NRCAM: variants seen among roughly 807,000 people sequenced by gnomAD.
The protein encoded by NRCAM is neuronal cell adhesion molecule, also known as NgCAM-related cell adhesion molecule.
A neutral mutation model predicts 156.5 loss-of-function variants in NRCAM; 83 were observed. The observed-to-expected ratio is 0.53, with a 90% CI of 0.44 to 0.64. NRCAM has a LOEUF of 0.64. NRCAM is among the 30% of genes least tolerant of loss of function. The pLI is 0.00. For synonymous variants in NRCAM, 538 were observed against 563.9 expected (o/e 0.95, Z 0.65); for missense variants, 1,417 against 1,597.3 (o/e 0.89, Z 1.92).
At chr7:108,450,690 T>C (rs1849298954) in intron 1 of NRCAM, among the ~76,000 whole-genome samples, 1 of 152,238 alleles carries the variant, frequency 6.6e-6, no homozygotes, top group Non-Finnish European at 1.5e-5. Context: ...ATAGGTACTT[T>C]AATTCAACAT....
intron 2 of NRCAM, among the ~76,000 whole-genome samples, chr7:108,378,456 G>A (rs2099685722): frequency 6.6e-6 from 1 of 151,996 alleles, no homozygotes; most frequent in Admixed American, 6.6e-5. Flanking sequence ...TAAAAAGGTT[G>A]AGAATCATAA....
chr7:108,448,911 C>T (rs879719487), intron 1 of NRCAM, among the ~76,000 whole-genome samples: 1 of 152,132 alleles, frequency 6.6e-6, no homozygotes, highest in Non-Finnish European at 1.5e-5. Context: ...CACAACACTG[C>T]GATGCAATTT....
At chr7:108,191,690 C>A (rs2071671244) in intron 18 of NRCAM, 39 bp downstream of exon 18, 1 of 1,549,554 alleles carries the variant, frequency 6.5e-7, no homozygotes, top group Non-Finnish European at 8.7e-7. Context: ...CAACCAAATG[C>A]AGGGAAGCCA....
intron 20 of NRCAM, among the ~76,000 whole-genome samples, chr7:108,189,253 C>T (rs1016168392): frequency 6.6e-6 from 1 of 152,180 alleles, no homozygotes; most frequent in African/African-American, 2.4e-5. Flanking sequence ...CATCAAGTAT[C>T]AGTTTCCTAA....
intron 19 of NRCAM, among the ~76,000 whole-genome samples, 178 bp downstream of exon 19, chr7:108,191,076 T>C (rs6962066): frequency 0.68 from 104,147 of 152,182 alleles, 37,503 homozygotes; most frequent in East Asian, 0.96. Flanking sequence ...GAAAAATCTG[T>C]GGTTATGATG....
At position 108,240,108 on chromosome 7, in the gene NRCAM, T is replaced by C; in HGVS notation, c.-44A>G. 7.2e-7 allele frequency: 1 copy of C among 1,381,084 alleles called. No homozygotes were observed. Among genetic ancestry groups the C allele is most frequent in the East Asian group, 2.3e-5 (1 of 43,550 alleles). The allele number at this position is 1,381,084 out of a possible 1,614,324, so 85.6% of individuals were successfully genotyped here. On this transcript the variant is annotated 5_prime_UTR_variant, in exon 4 of 33. Coordinates refer to ENST00000379028, the MANE Select transcript of NRCAM (RefSeq NM_001037132.4). ...GACTCACACACTGAATTTCCTTTTC[T>C]TCTTTCACAAAAGATTTTGTGAAAC...
intron 3 of NRCAM, among the ~76,000 whole-genome samples, chr7:108,292,576 A>G (rs1425015105): frequency 6.6e-6 from 1 of 152,190 alleles, no homozygotes; most frequent in South Asian, 2.1e-4. Context: ...AATTTTTGAG[A>G]GGCAATGCTT....
intron 2 of NRCAM, among the ~76,000 whole-genome samples, chr7:108,361,126 A>G (rs1328333684): frequency 6.6e-6 from 1 of 152,242 alleles, no homozygotes; most frequent in South Asian, 2.1e-4. Flanking sequence ...GAAAATAAGC[A>G]TATGAAAAGG....
chr7:108,154,468 A>C (rs542079042), intron 32 of NRCAM, among the ~76,000 whole-genome samples: 10 of 152,302 alleles, frequency 6.6e-5, no homozygotes, highest in African/African-American at 2.4e-4. Flanking sequence ...AAATCATAAC[A>C]GTTATCATTA....
At chr7:108,268,333 C>T (rs894211388) in intron 3 of NRCAM, among the ~76,000 whole-genome samples, 3 of 152,106 alleles carry the variant, frequency 2.0e-5, no homozygotes, top group Admixed American at 1.3e-4. Flanking sequence ...CTGTCAATGG[C>T]TGGGTCTGCT....
chr7:108,404,694 G>T (rs1042173146), intron 1 of NRCAM, among the ~76,000 whole-genome samples: 2 of 152,160 alleles, frequency 1.3e-5, no homozygotes, highest in African/African-American at 4.8e-5. Context: ...ACTTAATGAG[G>T]TATGCAATTT....
chr7:108,190,614 G>A (rs908618821), intron 19 of NRCAM, among the ~76,000 whole-genome samples: 1 of 152,086 alleles, frequency 6.6e-6, no homozygotes, highest in African/African-American at 2.4e-5. Context: ...TTGACGTACT[G>A]AATAAAGATG....
At chr7:108,317,301 C>G (rs139158591) in intron 2 of NRCAM, among the ~76,000 whole-genome samples, 96 of 152,294 alleles carry the variant, frequency 6.3e-4, no homozygotes, top group Middle Eastern at 3.4e-3. Context: ...ATTGTTCTCA[C>G]TGGTCCTTTT....
At chr7:108,402,628 T>C (rs1282742350) in intron 1 of NRCAM, among the ~76,000 whole-genome samples, 2 of 152,218 alleles carry the variant, frequency 1.3e-5, no homozygotes, top group Non-Finnish European at 2.9e-5. Flanking sequence ...GCTGAATCTC[T>C]CTTCCTGTAG....
At chr7:108,212,028 C>A (rs2084830478) in intron 11 of NRCAM, among the ~76,000 whole-genome samples, 1 of 152,202 alleles carries the variant, frequency 6.6e-6, no homozygotes, top group African/African-American at 2.4e-5. Context: ...AGAACAGGTG[C>A]TGGTATCTAT....
chr7:108,230,414 C>T (rs1169729361), intron 8 of NRCAM, among the ~76,000 whole-genome samples: 1 of 152,190 alleles, frequency 6.6e-6, no homozygotes, highest in Non-Finnish European at 1.5e-5. Flanking sequence ...TACATATCAA[C>T]TGAAGTGATA....
At chr7:108,250,053 C>G (rs141345714) in intron 3 of NRCAM, among the ~76,000 whole-genome samples, 1 of 152,132 alleles carries the variant, frequency 6.6e-6, no homozygotes, top group Non-Finnish European at 1.5e-5. Context: ...TGGAAGTCAT[C>G]TACGTGTCCA....
intron 2 of NRCAM, among the ~76,000 whole-genome samples, chr7:108,353,331 T>C (rs2099438694): frequency 6.6e-6 from 1 of 152,044 alleles, no homozygotes; most frequent in South Asian, 2.1e-4. Context: ...CTTCCTTCTT[T>C]CTTCTTCTTT....
intron 2 of NRCAM, among the ~76,000 whole-genome samples, chr7:108,387,720 C>G (rs1297048913): frequency 2.1e-5 from 3 of 141,902 alleles, no homozygotes; most frequent in Non-Finnish European, 3.1e-5. Flanking sequence ...CCCCTCCCCC[C>G]ACCCCACAAC....
Sources: gnomAD v4.1 joint callset for allele counts (sites outside exome capture counted in the v4.1 genomes callset) on GRCh38, gnomAD v4.1.1 for gene constraint, MANE v1.5 for transcripts, NCBI Gene and HGNC (gene_info 2026-07-23, HGNC 2026-07-21) for gene names.